Variants in STEAP4 observed in about 807,000 individuals in gnomAD.
The protein encoded by STEAP4 is metalloreductase STEAP4.
Under a neutral mutation model 43.6 loss-of-function variants are expected in STEAP4, and 36 were observed. The observed-to-expected ratio is 0.83, with a 90% CI of 0.63 to 1.09. The LOEUF (loss-of-function observed/expected upper bound fraction) is 1.09. STEAP4 is among the 50% of genes least tolerant of loss of function. The pLI, the probability that STEAP4 is intolerant of heterozygous loss-of-function variation, is 0.00. For missense variants in STEAP4, 495 were observed against 546.5 expected, an observed-to-expected ratio of 0.91 and a Z score of 0.94; for synonymous variants, 191 against 196.7, an observed-to-expected ratio of 0.97 and a Z score of 0.24.
intron 3 of STEAP4, 44 bp downstream of exon 3, chr7:88,282,597 C>G: frequency 1.3e-6 from 2 of 1,536,698 alleles, no homozygotes; most frequent in Non-Finnish European, 1.8e-6. Flanking sequence ...TAGCAATAGT[C>G]TCTGATTTCA....
intron 1 of STEAP4, among the ~76,000 whole-genome samples, chr7:88,293,812 C>T (rs1852879898): frequency 6.6e-6 from 1 of 151,996 alleles, no homozygotes; most frequent in African/African-American, 2.4e-5. Context: ...ATCCCTCTGC[C>T]AATACCAACA....
chr7:88,293,408 G>GT (rs60362330), intron 1 of STEAP4, among the ~76,000 whole-genome samples: 1 of 137,844 alleles, frequency 7.3e-6, no homozygotes, highest in Admixed American at 7.7e-5. Context: ...CCTATAGCTT[G>GT]TTTTTTTCAT....
chr7:88,301,280 G>A (rs1853028576), intron 1 of STEAP4, among the ~76,000 whole-genome samples: 1 of 152,112 alleles, frequency 6.6e-6, no homozygotes, highest in African/African-American at 2.4e-5. Context: ...CTGGAGAAGA[G>A]CATATCATTC....
chr7:88,306,344 A>T (rs985280637), intron 1 of STEAP4, among the ~76,000 whole-genome samples: 1 of 152,264 alleles, frequency 6.6e-6, no homozygotes, highest in African/African-American at 2.4e-5. Flanking sequence ...TTGCAAGAGG[A>T]AATTTAAATC....
chr7:88,283,961 G>A lies in STEAP4; in HGVS notation c.309C>T (p.Asp103=). 1 of 1,614,106 alleles carries A rather than the reference G, an allele frequency of 6.2e-7. No individual in the cohort carries two copies. Among genetic ancestry groups the A allele is most frequent in the Non-Finnish European group, 8.5e-7 (1 of 1,180,032 alleles). Residue 103 remains aspartate (D), a synonymous_variant, in exon 2 of 5, where the codon GAC becomes GAT. Transcript: ENST00000380079. Reference sequence around the variant, plus strand: ...GATTGATTTTGAGGTTGTTGCTGATGTCTACCAATATTTTTCCATTGAGAA... The same window carrying A: ...GATTGATTTTGAGGTTGTTGCTGATATCTACCAATATTTTTCCATTGAGAA... The part of the protein sequence containing the change: ...TEVLNGKILV[D]ISNNLKINQY...
intron 1 of STEAP4, among the ~76,000 whole-genome samples, chr7:88,303,352 T>C (rs1328097939): frequency 6.6e-6 from 1 of 151,820 alleles, no homozygotes; most frequent in East Asian, 2.0e-4. Context: ...AAAAATTAGC[T>C]GGGCATTGTG....
chr7:88,299,784 T>G (rs1271104208), intron 1 of STEAP4, among the ~76,000 whole-genome samples: 1 of 152,262 alleles, frequency 6.6e-6, no homozygotes, highest in African/African-American at 2.4e-5. Context: ...TATCAATAAC[T>G]GCCAGTTAGT....
At position 88,274,533 on chromosome 7, in the gene STEAP4, G is replaced by C. The variant is rs368116167; in HGVS notation, c.*4865C>G. On this transcript the variant is annotated 3_prime_UTR_variant, in exon 5 of 5. Coordinates refer to ENST00000380079, the MANE Select transcript of STEAP4 (RefSeq NM_024636.4). ...TAATGCATATGTTACCAGAAAGGGGGTCCAATACAGACCCCAAGAGAGAGT... is the reference window on the plus strand; with the variant it reads ...TAATGCATATGTTACCAGAAAGGGGCTCCAATACAGACCCCAAGAGAGAGT... The C allele has an allele frequency of 2.0e-5, 3 of 152,180 alleles. No homozygotes were observed. The highest frequency in any genetic ancestry group is 7.2e-5 in the African/African-American group (3 of 41,448). 9.4% of individuals were successfully genotyped at this position (152,180 alleles called of 1,614,324 possible). A position where few individuals can be genotyped will look rare whatever the true frequency, so the allele number is the denominator to read the frequency against.
intron 1 of STEAP4, among the ~76,000 whole-genome samples, chr7:88,288,804 TA>T (rs1852785340): frequency 6.6e-6 from 1 of 152,024 alleles, no homozygotes; most frequent in East Asian, 1.9e-4. Flanking sequence ...CACAGTAAAA[TA>T]TTCTTAATAT....
At chr7:88,302,951 C>CAA (rs35493493) in intron 1 of STEAP4, among the ~76,000 whole-genome samples, 658 of 51,032 alleles carry the variant, frequency 0.013, 18 homozygotes, top group East Asian at 0.04. Flanking sequence ...GAGACTGTCT[C>CAA]AAAAAAAAAA....
chr7:88,279,513 A>T lies in STEAP4; in HGVS notation c.1265T>A (p.Leu422Ter). ...CACAGTGCAAGGAATGATAAGCCCT[A>T]ACACGTAGGCTGCAGGAAGATACCA... ...LRWYLPAAYV[L>*]GLIIPCTVLV... The change falls in exon 5 of 5, where the codon TTA (leucine) becomes TAA (stop). Residue 422 changes from leucine (L) to a stop codon, truncating the protein, a stop_gained. Coordinates refer to ENST00000380079, the MANE Select transcript of STEAP4 (RefSeq NM_024636.4). LOFTEE classifies it high-confidence loss of function. 1 of 1,614,202 alleles carries T rather than the reference A, an allele frequency of 6.2e-7. No individual in the cohort carries two copies. Among genetic ancestry groups the T allele is most frequent in the Non-Finnish European group, 8.5e-7 (1 of 1,180,022 alleles).
chr7:88,283,600 C>T, intron 2 of STEAP4: 1 of 606,492 alleles, frequency 1.6e-6, no homozygotes, highest in East Asian at 2.9e-5. Flanking sequence ...CATGGGGTTC[C>T]ATCAAACTAA....
chr7:88,301,845 G>A (rs1381843841), intron 1 of STEAP4, among the ~76,000 whole-genome samples: 2 of 152,170 alleles, frequency 1.3e-5, no homozygotes, highest in Non-Finnish European at 2.9e-5. Context: ...CACAGTGCTG[G>A]GATTACAGGC....
Position 88,279,374 on chromosome 7 carries a change from T to C in STEAP4, c.*24A>G, listed in dbSNP as rs377152613. ...GCTAAATTGAACTTTGTTTTAAATATTGATTTTCCATTCAATGCTTTTTCT... is the reference window on the plus strand; with the variant it reads ...GCTAAATTGAACTTTGTTTTAAATACTGATTTTCCATTCAATGCTTTTTCT... On this transcript the variant is annotated 3_prime_UTR_variant, in exon 5 of 5. Coordinates refer to ENST00000380079, the MANE Select transcript of STEAP4 (RefSeq NM_024636.4). 1.2e-6 allele frequency: 2 copies of C among 1,603,230 alleles called. No homozygotes were observed. Among genetic ancestry groups the C allele is most frequent in the East Asian group, 2.2e-5 (1 of 44,806 alleles).
At chr7:88,305,931 C>T (rs1853121890) in intron 1 of STEAP4, among the ~76,000 whole-genome samples, 1 of 152,214 alleles carries the variant, frequency 6.6e-6, no homozygotes, top group Admixed American at 6.5e-5. Context: ...ATCCAATTCA[C>T]TTTCTCAGCT....
intron 1 of STEAP4, among the ~76,000 whole-genome samples, chr7:88,301,865 C>T (rs773622388): frequency 1.2e-4 from 18 of 152,030 alleles, no homozygotes; most frequent in Non-Finnish European, 2.2e-4. Flanking sequence ...CGTGAGCCGC[C>T]GTGTTTGGCC....
At position 88,282,563 on chromosome 7, in the gene STEAP4, A is replaced by G. The variant is rs766133174; in HGVS notation, c.984+78T>C. On this transcript the variant is annotated intron_variant, in intron 3 of 4. Transcript: ENST00000380079. Reference sequence around the variant, plus strand: ...AAGATGCTTAGAAGAGTGACTTTCTATAATTATGAAATGGAATATGATGTA... The same window carrying G: ...AAGATGCTTAGAAGAGTGACTTTCTGTAATTATGAAATGGAATATGATGTA... 9.1e-6 allele frequency: 12 copies of G among 1,324,980 alleles called. No individual in the cohort carries two copies. The Admixed American group carries it at 1.4e-4, about 15-fold the overall frequency. 82.1% of individuals were successfully genotyped at this position (1,324,980 alleles called of 1,614,324 possible).
In STEAP4 at chr7:88,284,156, C is replaced by T. The variant is rs1162937320; in HGVS notation, c.114G>A (p.Met38Ile). ...AAACAACAGAATAACCACACTGGAG[C>T]ATTTTCAATCCCAGTGATCTTCCAA... ...GDFGRSLGLK[M>I]LQCGYSVVFG... Residue 38 changes from methionine (M) to isoleucine (I), a missense_variant, in exon 2 of 5, where the codon ATG (methionine) becomes ATA (isoleucine). By Grantham distance (10) the Met-to-Ile change is conservative. Transcript: ENST00000380079. 6.2e-7 allele frequency: 1 copy of T among 1,614,014 alleles called. No homozygotes were observed. Among genetic ancestry groups the T allele is most frequent in the East Asian group, 2.2e-5 (1 of 44,900 alleles).
At position 88,271,731 on chromosome 7, in the gene STEAP4, T is replaced by G. The variant is rs1195499713; in HGVS notation, c.*7667A>C. 1 of 152,180 alleles carries G rather than the reference T, an allele frequency of 6.6e-6. No homozygotes were observed. The highest frequency in any genetic ancestry group is 2.4e-5 in the African/African-American group (1 of 41,440). The allele number at this position is 152,180 out of a possible 1,614,324, so 9.4% of individuals were successfully genotyped here. ...AAAACTTAACTCTGCATTTTTTAAT[T>G]TTGAAAGATATTCCCTAACTGCTCT... On this transcript the variant is annotated 3_prime_UTR_variant, in exon 5 of 5. Coordinates refer to ENST00000380079, the MANE Select transcript of STEAP4 (RefSeq NM_024636.4).
Sources: gnomAD v4.1 joint callset for allele counts (sites outside exome capture counted in the v4.1 genomes callset) on GRCh38, gnomAD v4.1.1 for gene constraint, MANE v1.5 for transcripts, NCBI Gene and HGNC (gene_info 2026-07-23, HGNC 2026-07-21) for gene names.